CHIA: variants seen among roughly 807,000 people sequenced by gnomAD.
The protein encoded by CHIA is acidic mammalian chitinase.
CHIA carries 47 observed loss-of-function variants against 53.5 expected under a neutral mutation model. The observed-to-expected ratio is 0.88, with a 90% CI of 0.70 to 1.12. CHIA has a LOEUF of 1.12. Among genes scored for constraint, CHIA ranks in the 50% most tolerant of loss-of-function variants. The pLI is 0.00. For missense variants in CHIA, 652 were observed against 592.2 expected, an observed-to-expected ratio of 1.10 and a Z score of -1.05; for synonymous variants, 268 against 222.2, an observed-to-expected ratio of 1.21 and a Z score of -1.83.
At position 111,312,286 on chromosome 1, in the gene CHIA, G is replaced by T; in HGVS notation, c.152G>T (p.Cys51Phe). The T allele has an allele frequency of 1.2e-6, 2 of 1,613,964 alleles. No homozygotes were observed. Among genetic ancestry groups the T allele is most frequent in the Non-Finnish European group, 1.7e-6 (2 of 1,179,926 alleles). Residue 51 changes from cysteine to phenylalanine, a missense_variant, in exon 4 of 12, where the codon TGT (cysteine) becomes TTT (phenylalanine). Cys to Phe is a radical substitution (Grantham distance 205). Transcript: ENST00000369740. ...CCTGACAACATCGACCCCTGCCTCT[G>T]TACCCACCTGATCTACGCCTTTGCT... ...FMPDNIDPCL[C>F]THLIYAFAGR... is the part of the protein sequence containing the mutation.
intron 5 of CHIA, chr1:111,315,059 T>A: frequency 2.0e-6 from 1 of 510,124 alleles, no homozygotes; most frequent in Admixed American, 3.5e-5. Context: ...AGAGCAGAGT[T>A]GGGGGGATAA....
intron 1 of CHIA, among the ~76,000 whole-genome samples, chr1:111,308,912 G>T (rs188721324): frequency 1.8e-3 from 267 of 152,282 alleles, no homozygotes; most frequent in African/African-American, 6.3e-3. Context: ...AAGCCTAAGT[G>T]ATATAAGCAC....
chr1:111,295,269 T>C (rs1384214072), intron 1 of CHIA, among the ~76,000 whole-genome samples: 1 of 152,142 alleles, frequency 6.6e-6, no homozygotes, highest in Non-Finnish European at 1.5e-5. Context: ...CAGCCTCAAC[T>C]TCCCAGGCTC....
chr1:111,294,885 C>T (rs1661246647), intron 1 of CHIA, among the ~76,000 whole-genome samples: 1 of 151,862 alleles, frequency 6.6e-6, no homozygotes, highest in Admixed American at 6.6e-5. Context: ...TGAATAAATC[C>T]CTCGTGAACA....
At chr1:111,311,178 G>A (rs1053958232) in intron 2 of CHIA, among the ~76,000 whole-genome samples, 4 of 152,148 alleles carry the variant, frequency 2.6e-5, no homozygotes, top group Non-Finnish European at 5.9e-5. Context: ...GAATTGCTTT[G>A]TAGAAGTCAG....
intron 1 of CHIA, among the ~76,000 whole-genome samples, chr1:111,308,092 G>T (rs4367782): frequency 1.3e-5 from 2 of 151,972 alleles, no homozygotes; most frequent in Admixed American, 1.3e-4. Flanking sequence ...ACTCATAAAC[G>T]CAGTAATTCT....
chr1:111,304,382 C>A (rs1648009299), intron 1 of CHIA, among the ~76,000 whole-genome samples: 1 of 152,134 alleles, frequency 6.6e-6, no homozygotes, highest in South Asian at 2.1e-4. Context: ...TGTTGGTCCA[C>A]TTGATGGCTT....
chr1:111,315,705 C>T (rs1241944191), intron 6 of CHIA: 2 of 525,722 alleles, frequency 3.8e-6, no homozygotes, highest in Non-Finnish European at 7.3e-6. Flanking sequence ...GGCATACATA[C>T]TATAAGTGTT....
intron 2 of CHIA, among the ~76,000 whole-genome samples, chr1:111,311,023 G>A (rs963222290): frequency 1.3e-5 from 2 of 152,192 alleles, no homozygotes; most frequent in Non-Finnish European, 2.9e-5. Flanking sequence ...ATTATTCAAA[G>A]AGGTTGATTC....
Position 111,315,398 on chromosome 1 carries a change from C to T in CHIA, c.443C>T (p.Pro148Leu), listed in dbSNP as rs373203725. ...GAGTACCCTGGCTCTCGTGGGAGCCCTCCTCAGGACAAGCATCTCTTCACT... is the reference window on the plus strand; with the variant it reads ...GAGTACCCTGGCTCTCGTGGGAGCCTTCCTCAGGACAAGCATCTCTTCACT... ...DWEYPGSRGS[P>L]PQDKHLFTVL... The change falls in exon 6 of 12, where the codon CCT becomes CTT. Residue 148 changes from proline (P) to leucine (L), a missense_variant. Coordinates refer to ENST00000369740, the MANE Select transcript of CHIA (RefSeq NM_201653.4). 5.6e-6 allele frequency: 9 copies of T among 1,614,092 alleles called. No homozygotes were observed. In the African/African-American group the frequency reaches 8.0e-5, roughly 14 times the overall value.
At chr1:111,298,440 T>G (rs1433231029) in intron 1 of CHIA, among the ~76,000 whole-genome samples, 1 of 152,130 alleles carries the variant, frequency 6.6e-6, no homozygotes, top group Non-Finnish European at 1.5e-5. Context: ...ATTAAGAAAC[T>G]CACTCAAAAC....
chr1:111,297,637 A>G (rs1647278717), intron 1 of CHIA, among the ~76,000 whole-genome samples: 1 of 152,192 alleles, frequency 6.6e-6, no homozygotes, highest in Admixed American at 6.5e-5. Flanking sequence ...AATTGTAAAG[A>G]CCATTGATGC....
intron 11 of CHIA, 80 bp from the exon 12 acceptor site, chr1:111,320,133 C>G: frequency 7.4e-7 from 1 of 1,351,424 alleles, no homozygotes; most frequent in Non-Finnish European, 1.0e-6. Flanking sequence ...ACTTCCACTC[C>G]CACAGTTCTC....
At chr1:111,311,630 T>A in intron 2 of CHIA, 59 bp from the exon 3 acceptor site, 1 of 1,587,860 alleles carries the variant, frequency 6.3e-7, no homozygotes, top group Non-Finnish European at 8.6e-7. Flanking sequence ...TCCTTCAGAA[T>A]TAGATTCTAC....
intron 1 of CHIA, among the ~76,000 whole-genome samples, chr1:111,291,331 A>G (rs527290261): frequency 6.6e-6 from 1 of 152,226 alleles, no homozygotes; most frequent in Non-Finnish European, 1.5e-5. Context: ...CTATGCAGCC[A>G]TAAACAGGAA....
At chr1:111,315,494 A>C in intron 6 of CHIA, 59 bp downstream of exon 6, 1 of 1,557,278 alleles carries the variant, frequency 6.4e-7, no homozygotes, top group Admixed American at 1.9e-5. Flanking sequence ...CTTTCCGAGG[A>C]GAATTGGGTG....
intron 1 of CHIA, among the ~76,000 whole-genome samples, chr1:111,303,529 AT>A (rs955822782): frequency 3.3e-5 from 5 of 151,850 alleles, no homozygotes; most frequent in African/African-American, 1.2e-4. Context: ...TTTCTTCCCC[AT>A]TGGTTACAAT....
At chr1:111,318,374 A>G (rs1649344914) in intron 8 of CHIA, 119 bp from the exon 9 acceptor site, 1 of 960,486 alleles carries the variant, frequency 1.0e-6, no homozygotes, top group Non-Finnish European at 1.5e-6. Flanking sequence ...TTTGAAAAAA[A>G]TACTAATCCA....
intron 1 of CHIA, among the ~76,000 whole-genome samples, chr1:111,299,673 T>C (rs979455706): frequency 6.6e-6 from 1 of 152,168 alleles, no homozygotes; most frequent in Non-Finnish European, 1.5e-5. Context: ...CTTTGAAAAC[T>C]GGCATAAGAC....
Sources: allele counts gnomAD v4.1 joint callset (sites outside exome capture counted in the v4.1 genomes callset), GRCh38; gene constraint gnomAD v4.1.1; transcripts MANE v1.5; gene names NCBI Gene and HGNC (gene_info 2026-07-23, HGNC 2026-07-21).